CTNND2: variants seen among roughly 807,000 people sequenced by gnomAD.
The protein encoded by CTNND2 is catenin delta 2.
CTNND2 carries 22 observed loss-of-function variants against 144.4 expected under a neutral mutation model. The ratio of observed to expected loss-of-function variants is 0.15; its 90% confidence interval spans 0.11 to 0.22. The LOEUF (loss-of-function observed/expected upper bound fraction) is 0.22. Ranked by LOEUF, CTNND2 falls within the 10% of genes least tolerant of loss-of-function variation. CTNND2 has a pLI of 1.00. For missense variants in CTNND2, 1,353 were observed against 1,618.8 expected (o/e 0.84, Z 2.82); for synonymous variants, 751 against 695.6 (o/e 1.08, Z -1.25).
chr5:11,075,046 A>T (rs187542889), intron 16 of CTNND2, among the ~76,000 whole-genome samples: 2 of 152,278 alleles, frequency 1.3e-5, no homozygotes, highest in African/African-American at 4.8e-5. Context: ...TACTTAAAAA[A>T]TAATAAACTC....
At chr5:11,656,218 T>C (rs1782904866) in intron 2 of CTNND2, among the ~76,000 whole-genome samples, 1 of 152,124 alleles carries the variant, frequency 6.6e-6, no homozygotes, top group Non-Finnish European at 1.5e-5. Flanking sequence ...TTAATTCATA[T>C]ATACGTTACC....
At position 11,572,235 on chromosome 5, in the gene CTNND2, C is replaced by T. The variant is rs1393126581; in HGVS notation, c.175-7179G>A. The stretch of plus-strand genomic sequence containing the variant: ...ATTCTAGTGGCATAGGTTGGTCCCT[C>T]TGCTCTCCTTCTAAGCATAACCATA... On this transcript the variant is annotated intron_variant, in intron 2 of 21. Transcript: ENST00000304623. Among the ~76,000 whole-genome samples the T allele has an allele frequency of 2.6e-5, 4 of 152,162 alleles. No homozygotes were observed. In the South Asian group the frequency reaches 8.3e-4, roughly 31 times the overall value.
intron 15 of CTNND2, among the ~76,000 whole-genome samples, chr5:11,087,717 G>A (rs1369666231): frequency 6.6e-6 from 1 of 152,126 alleles, no homozygotes; most frequent in African/African-American, 2.4e-5. Flanking sequence ...CACAAATTTT[G>A]GTTAAGGCAA....
chr5:11,322,823 A>G (rs2150071085), intron 9 of CTNND2, among the ~76,000 whole-genome samples: 1 of 152,222 alleles, frequency 6.6e-6, no homozygotes, highest in South Asian at 2.1e-4. Context: ...ACATTTAAAG[A>G]GATTGTATGT....
intron 10 of CTNND2, among the ~76,000 whole-genome samples, chr5:11,202,906 G>A (rs1324371916): frequency 3.3e-5 from 5 of 152,136 alleles, no homozygotes; most frequent in Admixed American, 1.3e-4. Context: ...CCGGGTTCAA[G>A]CAATTCTCCT....
intron 10 of CTNND2, among the ~76,000 whole-genome samples, chr5:11,235,945 G>A (rs151202145): frequency 3.5e-4 from 53 of 152,174 alleles, no homozygotes; most frequent in African/African-American, 1.2e-3. Flanking sequence ...AAGATGACTC[G>A]TTATAGTTTA....
chr5:11,119,804 T>A (rs1753900156), intron 12 of CTNND2, among the ~76,000 whole-genome samples: 1 of 152,208 alleles, frequency 6.6e-6, no homozygotes, highest in African/African-American at 2.4e-5. Context: ...GAAAGCAACT[T>A]AGGGTAGCGT....
At position 11,903,398 on chromosome 5, in the gene CTNND2, A is replaced by G. The variant is rs764080228; in HGVS notation, c.37+419T>C. ...CAAACATCGTAATGACATTGAACAT[A>G]AGGGCAAAAGACTGGAGGGAAGTCC... On this transcript the variant is annotated intron_variant, in intron 1 of 21. Transcript: ENST00000304623. This position sits in a 1 kb window ranked among gnomAD's most constrained non-coding sequence, Gnocchi z 5.4. 3.9e-4 allele frequency: 403 copies of G among 1,021,152 alleles called. No homozygotes were observed. The highest frequency in any genetic ancestry group is 4.5e-4 in the Non-Finnish European group (388 of 853,854). The allele number at this position is 1,021,152 out of a possible 1,614,324, so 63.3% of individuals were successfully genotyped here. A position where few individuals can be genotyped will look rare whatever the true frequency, so the allele number is the denominator to read the frequency against.
intron 2 of CTNND2, among the ~76,000 whole-genome samples, chr5:11,663,994 C>T (rs1581689177): frequency 6.6e-6 from 1 of 152,086 alleles, no homozygotes; most frequent in Non-Finnish European, 1.5e-5. Context: ...AGACTAGATG[C>T]TATTTCTTCT....
intron 2 of CTNND2, among the ~76,000 whole-genome samples, chr5:11,630,759 C>T (rs770152827): frequency 4.6e-5 from 7 of 151,988 alleles, no homozygotes; most frequent in Non-Finnish European, 8.8e-5. Context: ...TGAGACCAGC[C>T]TGGTCAACAT....
chr5:11,755,048 G>T (rs990112774), intron 1 of CTNND2, among the ~76,000 whole-genome samples: 1 of 151,574 alleles, frequency 6.6e-6, no homozygotes, highest in African/African-American at 2.4e-5. Flanking sequence ...GATTTATGTA[G>T]TTGTGTGTCT....
chr5:11,452,835 C>T lies in CTNND2; in HGVS notation c.288-40766G>A, dbSNP rs547690939. Among the ~76,000 whole-genome samples, 77 of 152,284 alleles carry T rather than the reference C, an allele frequency of 5.1e-4. 1 individual carries two copies. The South Asian group carries it at 0.011, about 21-fold the overall frequency. ...TTGAAATACACATAATATGTGCGCA[C>T]ATTTGTCTGAAGTACATAGGTTTGC... On this transcript the variant is annotated intron_variant, in intron 3 of 21. Coordinates refer to ENST00000304623, the MANE Select transcript of CTNND2 (RefSeq NM_001332.4).
intron 14 of CTNND2, among the ~76,000 whole-genome samples, chr5:11,109,287 A>G (rs1200883318): frequency 6.6e-6 from 1 of 152,206 alleles, no homozygotes; most frequent in Non-Finnish European, 1.5e-5. Flanking sequence ...GAAGTCTGAT[A>G]CTTCTAGTAT....
chr5:11,158,529 C>T (rs1467407115), intron 12 of CTNND2, among the ~76,000 whole-genome samples: 3 of 152,124 alleles, frequency 2.0e-5, no homozygotes, highest in East Asian at 1.9e-4. Flanking sequence ...TGTAGATATT[C>T]GTGGAGGCAG....
chr5:11,533,249 T>C (rs1773917271), intron 3 of CTNND2, among the ~76,000 whole-genome samples: 1 of 152,244 alleles, frequency 6.6e-6, no homozygotes, highest in Admixed American at 6.5e-5. Flanking sequence ...GCATATTTTC[T>C]AGGAAACAAC....
At chr5:11,601,976 C>T (rs76435867) in intron 2 of CTNND2, among the ~76,000 whole-genome samples, 2,917 of 152,114 alleles carry the variant, frequency 0.019, 46 homozygotes, top group Non-Finnish European at 0.028. Context: ...TAGAAGATTT[C>T]GCCAGGTGGG....
At chr5:11,732,901 C>T (rs1049262605) in intron 1 of CTNND2, among the ~76,000 whole-genome samples, 2 of 151,874 alleles carry the variant, frequency 1.3e-5, no homozygotes, top group Admixed American at 6.6e-5. Flanking sequence ...GGTCCTGCCC[C>T]CTACGTCCTG....
chr5:11,584,835 T>C (rs1200366180), intron 2 of CTNND2, among the ~76,000 whole-genome samples: 1 of 152,142 alleles, frequency 6.6e-6, no homozygotes, highest in African/African-American at 2.4e-5. Context: ...CAGAACTTGA[T>C]CAGAGCTACT....
At chr5:11,406,893 A>G (rs1761143375) in intron 5 of CTNND2, among the ~76,000 whole-genome samples, 1 of 152,162 alleles carries the variant, frequency 6.6e-6, no homozygotes, top group Admixed American at 6.5e-5. Context: ...GAATAATGGA[A>G]TTTTCTAAAA....
Sources: gnomAD v4.1 joint callset for allele counts (sites outside exome capture counted in the v4.1 genomes callset) on GRCh38, gnomAD v4.1.1 for gene constraint, Gnocchi (gnomAD v3.1) non-coding constraint, MANE v1.5 for transcripts, NCBI Gene and HGNC (gene_info 2026-07-23, HGNC 2026-07-21) for gene names.